LRCH1: variants seen among roughly 807,000 people sequenced by gnomAD.
LRCH1 encodes leucine-rich repeat and calponin homology domain-containing protein 1.
LRCH1 carries 23 observed loss-of-function variants against 94.9 expected under a neutral mutation model. The ratio of observed to expected loss-of-function variants is 0.24; its 90% confidence interval spans 0.17 to 0.34. LRCH1 has a LOEUF of 0.34. Ranked by LOEUF, LRCH1 falls within the 10% of genes least tolerant of loss-of-function variation. The pLI is 1.00. For synonymous variants in LRCH1, 364 were observed against 354.9 expected, an observed-to-expected ratio of 1.03 and a Z score of -0.29; for missense variants, 790 against 945.9, an observed-to-expected ratio of 0.84 and a Z score of 2.16.
chr13:46,710,017 A>G (rs1468777227), intron 13 of LRCH1, among the ~76,000 whole-genome samples: 2 of 152,214 alleles, frequency 1.3e-5, no homozygotes, highest in Non-Finnish European at 1.5e-5. Context: ...AACATCTTTC[A>G]GCATAGCCCT....
At position 46,594,077 on chromosome 13, in the gene LRCH1, C is replaced by T. The variant is rs568640196; in HGVS notation, c.307+40374C>T. 7.2e-5 allele frequency among the ~76,000 whole-genome samples: 11 copies of T among 151,964 alleles called. No homozygotes were observed. In the East Asian group the frequency reaches 2.2e-3, roughly 30 times the overall value. On this transcript the variant is annotated intron_variant, in intron 1 of 19. Transcript: ENST00000389797. ...TTCCCTGAGAGGTGGGTACCAGGTGCCTGGGAAGTGAAGTAACTTGCCAAG... is the reference window on the plus strand; with the variant it reads ...TTCCCTGAGAGGTGGGTACCAGGTGTCTGGGAAGTGAAGTAACTTGCCAAG...
intron 1 of LRCH1, among the ~76,000 whole-genome samples, chr13:46,554,872 A>G (rs1465844138): frequency 6.6e-6 from 1 of 152,218 alleles, no homozygotes; most frequent in African/African-American, 2.4e-5. Context: ...GCCCAGGGTC[A>G]GACCCCCTGG....
intron 18 of LRCH1, among the ~76,000 whole-genome samples, chr13:46,731,119 A>T (rs1457049811): frequency 1.7e-5 from 2 of 120,596 alleles, no homozygotes; most frequent in Non-Finnish European, 3.4e-5. Flanking sequence ...CTTCTTTACT[A>T]TAAGCTTTTT....
At chr13:46,688,804 G>T (rs1870750569) in intron 6 of LRCH1, among the ~76,000 whole-genome samples, 2 of 152,122 alleles carry the variant, frequency 1.3e-5, no homozygotes, top group African/African-American at 4.8e-5. Context: ...TTTTTTATAT[G>T]CTAGATGCAG....
intron 3 of LRCH1, among the ~76,000 whole-genome samples, chr13:46,672,624 G>C (rs1043369403): frequency 3.9e-5 from 6 of 152,174 alleles, no homozygotes; most frequent in African/African-American, 1.2e-4. Context: ...TGTCTCCAGC[G>C]TCAGGACACA....
intron 1 of LRCH1, among the ~76,000 whole-genome samples, chr13:46,624,888 A>G (rs1245982995): frequency 6.6e-6 from 1 of 152,244 alleles, no homozygotes; most frequent in Non-Finnish European, 1.5e-5. Context: ...GAAATTTTGT[A>G]TTAGGCAGAT....
intron 18 of LRCH1, among the ~76,000 whole-genome samples, chr13:46,731,410 T>C (rs1269013002): frequency 6.6e-6 from 1 of 152,052 alleles, no homozygotes; most frequent in East Asian, 1.9e-4. Context: ...TTTGTATTTT[T>C]ACTAGAGACG....
rs117465183 is a variant in LRCH1, at chr13:46,660,647, T to C, written c.453-8383T>C. On this transcript the variant is annotated intron_variant, in intron 2 of 19. Coordinates refer to ENST00000389797, the MANE Select transcript of LRCH1 (RefSeq NM_001164211.2). ...CCTTCCTTTGTTGTCTTTGGTCACA[T>C]GCTTTCCTGGTCACTTTTCTACTTC... 7.2e-3 allele frequency among the ~76,000 whole-genome samples: 1,102 copies of C among 152,374 alleles called. 8 individuals are homozygous for C. Among genetic ancestry groups the C allele is most frequent in the Non-Finnish European group, 0.013 (860 of 68,036 alleles).
At chr13:46,654,079 G>A (rs112558940) in intron 2 of LRCH1, among the ~76,000 whole-genome samples, 1 of 152,172 alleles carries the variant, frequency 6.6e-6, no homozygotes, top group Non-Finnish European at 1.5e-5. Flanking sequence ...TGTCACATTT[G>A]TTTACTTCCA....
chr13:46,655,362 A>G (rs2051357802), intron 2 of LRCH1, among the ~76,000 whole-genome samples: 1 of 152,222 alleles, frequency 6.6e-6, no homozygotes, highest in Non-Finnish European at 1.5e-5. Flanking sequence ...TTCTCACATG[A>G]CAGAAATGTT....
intron 1 of LRCH1, among the ~76,000 whole-genome samples, chr13:46,649,491 T>G (rs992648219): frequency 3.3e-5 from 5 of 152,196 alleles, no homozygotes; most frequent in Admixed American, 6.5e-5. Flanking sequence ...ATTGCTTTCT[T>G]TGGTACCTTT....
intron 3 of LRCH1, among the ~76,000 whole-genome samples, chr13:46,669,378 C>T (rs1022470019): frequency 1.3e-5 from 2 of 152,122 alleles, no homozygotes; most frequent in African/African-American, 4.8e-5. Flanking sequence ...ATTTACAGCT[C>T]CTGAAGTTTG....
At chr13:46,625,972 C>T (rs1293874524) in intron 1 of LRCH1, among the ~76,000 whole-genome samples, 2 of 152,116 alleles carry the variant, frequency 1.3e-5, no homozygotes, top group East Asian at 1.9e-4. Flanking sequence ...TTGTTTAAGC[C>T]ACTCAGACTA....
intron 4 of LRCH1, 23 bp from the exon 5 acceptor site, chr13:46,685,874 CTTTCTTTT>C (rs1279971798): frequency 5.5e-6 from 8 of 1,444,690 alleles, no homozygotes; most frequent in Middle Eastern, 1.8e-4. Flanking sequence ...AAGGTTTTTT[CTTTCTTTT>C]TTTCTTTTTT....
rs1327113343 is a variant in LRCH1 at position 46,706,562 on chromosome 13, C to G, written c.1527+1258C>G. On this transcript the variant is annotated intron_variant, in intron 13 of 19. Transcript: ENST00000389797. ...TGTGCAGACTTAACCTCTTTTTTAGCTTCTTATTTGGAAATAATTTTTTTA... is the reference window on the plus strand; with the variant it reads ...TGTGCAGACTTAACCTCTTTTTTAGGTTCTTATTTGGAAATAATTTTTTTA... Among the ~76,000 whole-genome samples, 4 of 152,138 alleles carry G rather than the reference C, an allele frequency of 2.6e-5. No individual in the cohort carries two copies. The South Asian group carries it at 8.3e-4, about 32-fold the overall frequency.
At chr13:46,731,124 CT>C (rs34512042) in intron 18 of LRCH1, among the ~76,000 whole-genome samples, 65,840 of 127,556 alleles carry the variant, frequency 0.52, 16,508 homozygotes, top group Non-Finnish European at 0.6. Flanking sequence ...TTACTATAAG[CT>C]TTTTTTTTTT....
At chr13:46,688,671 A>G (rs2138155067) in intron 6 of LRCH1, among the ~76,000 whole-genome samples, 1 of 152,358 alleles carries the variant, frequency 6.6e-6, no homozygotes, top group South Asian at 2.1e-4. Flanking sequence ...TGTTACTTTT[A>G]TATAATGCTT....
chr13:46,566,762 C>T (rs538816381), intron 1 of LRCH1, among the ~76,000 whole-genome samples: 51 of 152,272 alleles, frequency 3.3e-4, no homozygotes, highest in Admixed American at 7.2e-4. Context: ...AGATGGTCCT[C>T]GGGGTGACAT....
chr13:46,665,813 T>C (rs528400934), intron 2 of LRCH1, among the ~76,000 whole-genome samples: 68 of 152,332 alleles, frequency 4.5e-4, no homozygotes, highest in African/African-American at 1.5e-3. Flanking sequence ...GATAGTGGAT[T>C]GTGGCCTGAG....
Sources: allele counts gnomAD v4.1 joint callset (sites outside exome capture counted in the v4.1 genomes callset), GRCh38; gene constraint gnomAD v4.1.1; transcripts MANE v1.5; gene names NCBI Gene and HGNC (gene_info 2026-07-23, HGNC 2026-07-21).